TMEM72: variants seen among roughly 807,000 people sequenced by gnomAD.
The protein encoded by TMEM72 is transmembrane protein 72.
Under a neutral mutation model 16.3 loss-of-function variants are expected in TMEM72, and 9 were observed. The ratio of observed to expected loss-of-function variants is 0.55; its 90% CI spans 0.33 to 0.96. The LOEUF (loss-of-function observed/expected upper bound fraction) is 0.96, where lower values mean the gene tolerates loss of function less well. Ranked by LOEUF, TMEM72 falls within the 40% of genes least tolerant of loss-of-function variation. The probability of loss-of-function intolerance (pLI) is 0.03; values close to 1 mark genes in which losing one functional copy is unlikely to be tolerated. For missense variants in TMEM72, 324 were observed against 337.8 expected, an observed-to-expected ratio of 0.96 and a Z score of 0.32; for synonymous variants, 160 against 146.5, an observed-to-expected ratio of 1.09 and a Z score of -0.66.
chr10:44,933,366 T>G (rs140173900), intron 3 of TMEM72, among the ~76,000 whole-genome samples: 1,568 of 152,370 alleles, frequency 0.01, 24 homozygotes, highest in African/African-American at 0.035. Flanking sequence ...CCTCACTAAC[T>G]CATGCAGCAT....
intron 1 of TMEM72, among the ~76,000 whole-genome samples, chr10:44,912,096 C>T (rs545959389): frequency 1.2e-4 from 18 of 152,310 alleles, no homozygotes; most frequent in East Asian, 1.9e-4. Context: ...AGGCTTCCCT[C>T]GGGCCCATGC....
At chr10:44,918,315 G>A (rs1840041678) in intron 1 of TMEM72, among the ~76,000 whole-genome samples, 1 of 152,120 alleles carries the variant, frequency 6.6e-6, no homozygotes, top group Non-Finnish European at 1.5e-5. Context: ...CCTCAGTAGT[G>A]CCAATGAACC....
In TMEM72 at chr10:44,934,722, C is replaced by T; in HGVS notation, c.416C>T (p.Ala139Val). ...LLSKRKKRKA[A>V]PEVLASPEQY... is the part of the protein sequence containing the mutation. ...AGCAAGCGGAAGAAGAGGAAAGCTG[C>T]CCCCGAGGTGCTGGCCTCCCCAGAG... Residue 139 changes from alanine to valine, a missense_variant, in exon 5 of 5, where the codon GCC (alanine) becomes GTC (valine). Ala to Val is a moderately conservative substitution (Grantham distance 64). Transcript: ENST00000389583. 6.2e-7 allele frequency: 1 copy of T among 1,611,400 alleles called. No individual in the cohort carries two copies. Among genetic ancestry groups the T allele is most frequent in the Non-Finnish European group, 8.5e-7 (1 of 1,179,232 alleles).
chr10:44,921,950 A>C (rs887935563), intron 1 of TMEM72, among the ~76,000 whole-genome samples: 1 of 152,186 alleles, frequency 6.6e-6, no homozygotes, highest in African/African-American at 2.4e-5. Flanking sequence ...CACCTCCTTC[A>C]TTGTAGAACA....
intron 2 of TMEM72, among the ~76,000 whole-genome samples, chr10:44,928,896 A>T (rs1029241366): frequency 2.0e-5 from 3 of 152,224 alleles, no homozygotes; most frequent in African/African-American, 7.2e-5. Flanking sequence ...TCATTTATTT[A>T]TTCAGCAAAT....
chr10:44,925,710 G>C (rs1412509162), intron 1 of TMEM72, among the ~76,000 whole-genome samples: 1 of 152,198 alleles, frequency 6.6e-6, no homozygotes, highest in Non-Finnish European at 1.5e-5. Flanking sequence ...TTGGTTGGTT[G>C]GTTTGACTTA....
At position 44,927,969 on chromosome 10, in the gene TMEM72, G is replaced by T. The variant is rs1056955816; in HGVS notation, c.119G>T (p.Ser40Ile). The T allele has an allele frequency of 6.2e-7, 1 of 1,613,774 alleles. No homozygotes were observed. Among genetic ancestry groups the T allele is most frequent in the Non-Finnish European group, 8.5e-7 (1 of 1,179,974 alleles). ...ACCTTCCTCCAGGGCCAGTTCAAAA[G>T]CCTGGCTTTCTATCTGCTGTGAGTA... ...TETFLQGQFKSLAFYLLFTGA... is the reference protein window; with the variant it reads ...TETFLQGQFKILAFYLLFTGA... Residue 40 changes from serine to isoleucine, a missense_variant, in exon 2 of 5, where the codon AGC becomes ATC. Ser to Ile is a moderately radical substitution (Grantham distance 142). Transcript: ENST00000389583.
At chr10:44,915,565 T>C (rs180925270) in intron 1 of TMEM72, among the ~76,000 whole-genome samples, 42 of 152,174 alleles carry the variant, frequency 2.8e-4, no homozygotes, top group South Asian at 2.1e-4. Flanking sequence ...GCATGTCCCA[T>C]AGTATTTTGA....
At chr10:44,922,988 C>G (rs983702637) in intron 1 of TMEM72, 5 of 152,260 alleles carry the variant, frequency 3.3e-5, no homozygotes, top group African/African-American at 1.2e-4. Flanking sequence ...ACAGCCCACT[C>G]TAAAACGTAG....
At chr10:44,930,174 CCT>C (rs1840273357) in intron 2 of TMEM72, among the ~76,000 whole-genome samples, 3 of 152,176 alleles carry the variant, frequency 2.0e-5, no homozygotes, top group Non-Finnish European at 2.9e-5. Flanking sequence ...CTTGCTGTGC[CCT>C]GTTCTCTAAC....
chr10:44,912,785 C>A (rs1216338416), intron 1 of TMEM72, among the ~76,000 whole-genome samples: 1 of 152,218 alleles, frequency 6.6e-6, no homozygotes, highest in Non-Finnish European at 1.5e-5. Flanking sequence ...GAGCACTGGG[C>A]TGGGTTCAGC....
intron 1 of TMEM72, among the ~76,000 whole-genome samples, chr10:44,918,925 G>C (rs1043542393): frequency 3.3e-5 from 5 of 151,494 alleles, no homozygotes; most frequent in African/African-American, 1.2e-4. Context: ...CCAGCATCTT[G>C]ATCTTGCATT....
intron 1 of TMEM72, among the ~76,000 whole-genome samples, chr10:44,914,886 C>G (rs1455196161): frequency 6.6e-6 from 1 of 151,476 alleles, no homozygotes; most frequent in African/African-American, 2.5e-5. Flanking sequence ...ATCCTCTTAC[C>G]CTTTAACCTC....
intron 1 of TMEM72, among the ~76,000 whole-genome samples, chr10:44,921,505 G>A (rs1840098128): frequency 6.6e-6 from 1 of 152,158 alleles, no homozygotes; most frequent in South Asian, 2.1e-4. Context: ...CTGATTCTGC[G>A]GGTAGCAGGG....
chr10:44,930,273 T>C (rs1351326648), intron 2 of TMEM72, among the ~76,000 whole-genome samples: 1 of 152,202 alleles, frequency 6.6e-6, no homozygotes, highest in Non-Finnish European at 1.5e-5. Context: ...ATGAGTCGCT[T>C]TATTCCCCAA....
intron 3 of TMEM72, 142 bp from the exon 4 acceptor site, chr10:44,933,495 C>G: frequency 8.6e-7 from 1 of 1,162,580 alleles, no homozygotes; most frequent in Non-Finnish European, 1.2e-6. Flanking sequence ...GAACCCACAC[C>G]AAGGACCGCT....
intron 1 of TMEM72, among the ~76,000 whole-genome samples, chr10:44,913,233 C>G (rs1839962817): frequency 6.6e-6 from 1 of 152,176 alleles, no homozygotes; most frequent in South Asian, 2.1e-4. Flanking sequence ...TGAGTCCACC[C>G]TGCTCCCTCT....
chr10:44,928,874 G>A (rs780451813), intron 2 of TMEM72, among the ~76,000 whole-genome samples: 1 of 151,908 alleles, frequency 6.6e-6, no homozygotes, highest in Non-Finnish European at 1.5e-5. Context: ...ACCCATCCAC[G>A]CATCTCATCA....
chr10:44,917,878 G>T (rs1339809645), intron 1 of TMEM72, among the ~76,000 whole-genome samples: 2 of 152,154 alleles, frequency 1.3e-5, no homozygotes, highest in East Asian at 3.8e-4. Flanking sequence ...CTGACATTGA[G>T]ACCTAAAAGA....
Sources: gnomAD v4.1 joint callset for allele counts (sites outside exome capture counted in the v4.1 genomes callset) on GRCh38, gnomAD v4.1.1 for gene constraint, MANE v1.5 for transcripts, NCBI Gene and HGNC (gene_info 2026-07-23, HGNC 2026-07-21) for gene names.